Variants in PINX1 observed in about 807,000 individuals in gnomAD.
PINX1 encodes PIN2/TERF1-interacting telomerase inhibitor 1.
Under a neutral mutation model 25.4 loss-of-function variants are expected in PINX1, and 34 were observed. The ratio of observed to expected loss-of-function variants is 1.34; its 90% CI spans 1.02 to 1.78. PINX1 has a LOEUF of 1.78. Among genes scored for constraint, PINX1 ranks in the 40% most tolerant of loss-of-function variants. PINX1 has a pLI of 0.00. For synonymous variants in PINX1, 197 were observed against 147.7 expected (o/e 1.33, Z -2.42); for missense variants, 592 against 404.9 (o/e 1.46, Z -3.97).
intron 5 of PINX1, among the ~76,000 whole-genome samples, chr8:10,824,408 C>G (rs1797972891): frequency 6.6e-6 from 1 of 152,166 alleles, no homozygotes; most frequent in Non-Finnish European, 1.5e-5. Flanking sequence ...ATGTCCTTCC[C>G]GTCTCCACTC....
chr8:10,831,290 C>T (rs77796627), intron 4 of PINX1, among the ~76,000 whole-genome samples: 36,233 of 152,158 alleles, frequency 0.24, 4,449 homozygotes, highest in Middle Eastern at 0.31. Flanking sequence ...GTAAGGAAAA[C>T]AGCTATGTAG....
At chr8:10,837,535 C>A (rs1299255682) in intron 1 of PINX1, among the ~76,000 whole-genome samples, 3 of 152,214 alleles carry the variant, frequency 2.0e-5, no homozygotes, top group African/African-American at 7.2e-5. Context: ...ACCCTTGACA[C>A]GATCTGGAAC....
intron 6 of PINX1, among the ~76,000 whole-genome samples, chr8:10,773,875 A>T (rs1801306493): frequency 6.6e-6 from 1 of 152,216 alleles, no homozygotes. Context: ...CAGGCTCGGA[A>T]AGCTGCAGTG....
At chr8:10,829,607 G>C (rs889576624) in intron 4 of PINX1, among the ~76,000 whole-genome samples, 1 of 152,280 alleles carries the variant, frequency 6.6e-6, no homozygotes, top group South Asian at 2.1e-4. Flanking sequence ...AATCCAGGCA[G>C]TCTAACTCTG....
At chr8:10,770,539 A>G (rs952311355) in intron 6 of PINX1, among the ~76,000 whole-genome samples, 3 of 152,242 alleles carry the variant, frequency 2.0e-5, no homozygotes, top group Non-Finnish European at 1.5e-5. Context: ...GAGACTCTGC[A>G]GCTACATGAG....
At chr8:10,832,231 T>C (rs963032315) in intron 3 of PINX1, among the ~76,000 whole-genome samples, 1 of 152,104 alleles carries the variant, frequency 6.6e-6, no homozygotes, top group Non-Finnish European at 1.5e-5. Flanking sequence ...GAACCTTAAG[T>C]CCCCTGAATC....
intron 2 of PINX1, 107 bp downstream of exon 2, chr8:10,834,559 A>C (rs1798336069): frequency 7.0e-7 from 1 of 1,437,660 alleles, no homozygotes; most frequent in Admixed American, 2.7e-5. Flanking sequence ...AAAATCACTT[A>C]CTGATCCAAA....
rs573888786 is a variant in PINX1, at chr8:10,800,176, C to A, written c.471+20017G>T. ...CTTCCACAAAGTGAGACCTTGGGTGCAGGAATATTACCTAACAAGAGTCTG... is the reference window on the plus strand; with the variant it reads ...CTTCCACAAAGTGAGACCTTGGGTGAAGGAATATTACCTAACAAGAGTCTG... On this transcript the variant is annotated intron_variant, in intron 6 of 6. Transcript: ENST00000314787. Among the ~76,000 whole-genome samples, 4 of 152,280 alleles carry A rather than the reference C, an allele frequency of 2.6e-5. No individual in the cohort carries two copies. The South Asian group carries it at 8.3e-4, about 32-fold the overall frequency.
chr8:10,831,278 G>A (rs1195234034), intron 4 of PINX1, among the ~76,000 whole-genome samples: 2 of 152,224 alleles, frequency 1.3e-5, no homozygotes, highest in Admixed American at 6.5e-5. Context: ...TATTAGAGCT[G>A]CGTAAGGAAA....
chr8:10,767,784 A>G (rs1801103547), intron 6 of PINX1, among the ~76,000 whole-genome samples: 1 of 134,960 alleles, frequency 7.4e-6, no homozygotes, highest in Admixed American at 7.4e-5. Flanking sequence ...AGGCTCGGTG[A>G]CCAGGCACCC....
chr8:10,781,254 A>G (rs568613958), intron 6 of PINX1, among the ~76,000 whole-genome samples: 1 of 152,338 alleles, frequency 6.6e-6, no homozygotes, highest in East Asian at 1.9e-4. Flanking sequence ...CTCCCAGAAG[A>G]AAACACAGGA....
At chr8:10,773,454 G>A (rs1330284256) in intron 6 of PINX1, among the ~76,000 whole-genome samples, 1 of 152,212 alleles carries the variant, frequency 6.6e-6, no homozygotes, top group South Asian at 2.1e-4. Context: ...AACCCAGTAA[G>A]TATGCAGAGA....
intron 4 of PINX1, among the ~76,000 whole-genome samples, chr8:10,828,121 G>A (rs1458918797): frequency 6.6e-6 from 1 of 152,126 alleles, no homozygotes; most frequent in Non-Finnish European, 1.5e-5. Flanking sequence ...GAAAGAACGT[G>A]AAGGCAGATG....
rs759345059 is a variant in PINX1, at chr8:10,765,599, G to A, written c.789C>T (p.Gly263=). 17 of 1,613,564 alleles carry A rather than the reference G, an allele frequency of 1.1e-5. No homozygotes were observed. The highest frequency in any genetic ancestry group is 2.2e-5 in the East Asian group (1 of 44,872). ...KSAPAEEQLR[G]PCWDQSSKAS... Reference sequence around the variant, plus strand: ...CCTTGGAACTCTGGTCCCAGCAGGGGCCTCTGAGCTGCTCTTCTGCTGGCG... The same window carrying A: ...CCTTGGAACTCTGGTCCCAGCAGGGACCTCTGAGCTGCTCTTCTGCTGGCG... The change falls in exon 7 of 7, where the codon GGC becomes GGT. Residue 263 remains glycine (G), a synonymous_variant. Transcript: ENST00000314787.
At chr8:10,810,623 C>G (rs566996775) in intron 6 of PINX1, among the ~76,000 whole-genome samples, 4 of 152,136 alleles carry the variant, frequency 2.6e-5, no homozygotes, top group African/African-American at 9.7e-5. Context: ...CACGGGGATC[C>G]CAGTCTCCTA....
chr8:10,776,711 G>A (rs1011540453), intron 6 of PINX1, among the ~76,000 whole-genome samples: 1 of 152,072 alleles, frequency 6.6e-6, no homozygotes, highest in East Asian at 1.9e-4. Flanking sequence ...GGTCAGGAAG[G>A]GACCACGAGG....
intron 6 of PINX1, among the ~76,000 whole-genome samples, chr8:10,798,382 T>A (rs924132974): frequency 1.6e-4 from 24 of 152,304 alleles, no homozygotes; most frequent in African/African-American, 5.5e-4. Flanking sequence ...TGGAAACAAA[T>A]CAGAATGAGA....
At chr8:10,830,572 C>T (rs933692537) in intron 4 of PINX1, among the ~76,000 whole-genome samples, 3 of 152,202 alleles carry the variant, frequency 2.0e-5, no homozygotes, top group African/African-American at 7.2e-5. Context: ...ATTATTCACA[C>T]ATGACACACA....
intron 6 of PINX1, among the ~76,000 whole-genome samples, chr8:10,781,299 T>C (rs554215580): frequency 6.6e-6 from 1 of 152,322 alleles, no homozygotes; most frequent in South Asian, 2.1e-4. Context: ...GGCAATAATG[T>C]GGATATCACA....
Sources: allele counts gnomAD v4.1 joint callset (sites outside exome capture counted in the v4.1 genomes callset), GRCh38; gene constraint gnomAD v4.1.1; transcripts MANE v1.5; gene names NCBI Gene and HGNC (gene_info 2026-07-23, HGNC 2026-07-21).